RNASEH2B: variants seen among roughly 807,000 people sequenced by gnomAD.
RNASEH2B encodes the protein Aicardi-Goutieres syndrome 2 protein.
Under a neutral mutation model 45.0 loss-of-function variants are expected in RNASEH2B, and 36 were observed. That is an observed-to-expected ratio of 0.80 (90% CI 0.61 to 1.06). RNASEH2B has a LOEUF of 1.06. Among genes scored for constraint, RNASEH2B ranks in the 50% least tolerant of loss-of-function variants. RNASEH2B has a pLI of 0.00. For synonymous variants in RNASEH2B, 119 were observed against 125.7 expected, an observed-to-expected ratio of 0.95 and a Z score of 0.35; for missense variants, 361 against 360.3, an observed-to-expected ratio of 1.00 and a Z score of -0.02.
intron 1 of RNASEH2B, among the ~76,000 whole-genome samples, chr13:50,926,871 C>T (rs1484727813): frequency 1.3e-5 from 2 of 150,478 alleles, no homozygotes; most frequent in Non-Finnish European, 3.0e-5. Flanking sequence ...GGAAATTAGG[C>T]AAAGGATAGT....
chr13:50,956,189 C>T, intron 10 of RNASEH2B, 169 bp from the exon 11 acceptor site: 1 of 594,694 alleles, frequency 1.7e-6, no homozygotes, highest in Non-Finnish European at 3.0e-6. Flanking sequence ...TCTCTTAGGT[C>T]TGAATTCTGA....
At chr13:50,912,758 A>G (rs1181226344) in intron 1 of RNASEH2B, 1 of 152,240 alleles carries the variant, frequency 6.6e-6, no homozygotes, top group Non-Finnish European at 1.5e-5. Flanking sequence ...ATTCGGTTTT[A>G]GAAAACTTGG....
chr13:50,968,582 T>C (rs942827174), intron 9 of RNASEH2B, among the ~76,000 whole-genome samples: 2 of 152,162 alleles, frequency 1.3e-5, no homozygotes, highest in African/African-American at 4.8e-5. Context: ...TTCATACCAT[T>C]ATATGACCAT....
At chr13:50,957,452 T>A (rs1395284562), downstream of RNASEH2B, among the ~76,000 whole-genome samples, 1 of 152,224 alleles carries the variant, frequency 6.6e-6, no homozygotes, top group African/African-American at 2.4e-5. Flanking sequence ...TATGGCTGTG[T>A]AGTATTCCAT....
intron 10 of RNASEH2B, chr13:50,955,023 C>G (rs1190497652): frequency 6.6e-6 from 1 of 152,098 alleles, no homozygotes; most frequent in Non-Finnish European, 1.5e-5. Flanking sequence ...TTTGTATGAG[C>G]TCATTCTAAA....
chr13:50,932,137 G>A (rs888125941), intron 4 of RNASEH2B, among the ~76,000 whole-genome samples: 15 of 152,294 alleles, frequency 9.8e-5, no homozygotes, highest in Admixed American at 2.0e-4. Flanking sequence ...TCTTTCCCGT[G>A]AAATGACAGG....
At chr13:50,932,049 G>A (rs571349583) in intron 4 of RNASEH2B, among the ~76,000 whole-genome samples, 1 of 152,118 alleles carries the variant, frequency 6.6e-6, no homozygotes, top group South Asian at 2.1e-4. Flanking sequence ...AGCTGTCATA[G>A]TGGCAGATAG....
At chr13:50,955,772 T>A (rs1157504708) in intron 10 of RNASEH2B, 1 of 152,500 alleles carries the variant, frequency 6.6e-6, no homozygotes, top group Non-Finnish European at 1.5e-5. Flanking sequence ...AAGAAAAAAA[T>A]TCAGTGACCA....
chr13:50,956,861 G>A (rs934327629), downstream of RNASEH2B: 4 of 501,314 alleles, frequency 8.0e-6, no homozygotes, highest in African/African-American at 2.1e-5. Flanking sequence ...AAAACTGTGA[G>A]GTAAATTGTT....
rs1204028456 is a variant in RNASEH2B at position 50,943,308 on chromosome 13, TTTTTC to T, written c.437-8_437-4del. The T allele has an allele frequency of 1.3e-6, 2 of 1,491,012 alleles. No homozygotes were observed. Among genetic ancestry groups the T allele is most frequent in the East Asian group, 4.5e-5 (2 of 44,206 alleles). 92.4% of individuals were successfully genotyped at this position (1,491,012 alleles called of 1,614,324 possible). The stretch of plus-strand genomic sequence containing the variant: ...TTTTAATTCATTGTGCTGAGTCTTT[TTTTTC>T]TTTTAAGGTAATCCAGAAATAGACA... On this transcript the variant is annotated splice_region_variant and splice_polypyrimidine_tract_variant and intron_variant, in intron 5 of 10. Coordinates refer to ENST00000336617, the MANE Select transcript of RNASEH2B (RefSeq NM_024570.4).
intron 3 of RNASEH2B, among the ~76,000 whole-genome samples, chr13:50,930,439 C>T (rs953957316): frequency 3.3e-5 from 5 of 152,100 alleles, no homozygotes; most frequent in African/African-American, 1.2e-4. Flanking sequence ...AGTTAAAGAT[C>T]AATTTCAGGG....
At position 50,953,993 on chromosome 13, in the gene RNASEH2B, G is replaced by T. The variant is rs757200421; in HGVS notation, c.822+8G>T. ...GATTTGAAGACTGAAAAGGTATGTG[G>T]GTTCAGGTGTAGTGGTGTTTCGTTC... On this transcript the variant is annotated splice_region_variant and intron_variant, in intron 10 of 10. Coordinates refer to ENST00000336617, the MANE Select transcript of RNASEH2B (RefSeq NM_024570.4). The T allele has an allele frequency of 1.3e-6, 2 of 1,564,328 alleles. No individual in the cohort carries two copies. The highest frequency in any genetic ancestry group is 3.3e-5 in the Admixed American group (2 of 59,852).
chr13:50,961,174 T>C (rs1181174959), downstream of RNASEH2B, among the ~76,000 whole-genome samples: 1 of 152,176 alleles, frequency 6.6e-6, no homozygotes, highest in Non-Finnish European at 1.5e-5. Flanking sequence ...TCATTGTGAA[T>C]TATTGTTGAT....
At chr13:50,917,792 A>G (rs535197487) in intron 1 of RNASEH2B, among the ~76,000 whole-genome samples, 1 of 152,292 alleles carries the variant, frequency 6.6e-6, no homozygotes, top group South Asian at 2.1e-4. Context: ...GGACCAGGAA[A>G]GGCTGGTCTC....
chr13:50,934,129 A>C (rs547320002), intron 4 of RNASEH2B: 1 of 152,462 alleles, frequency 6.6e-6, no homozygotes, highest in South Asian at 2.1e-4. Flanking sequence ...TCCCCAAATC[A>C]GGGGGCTAAT....
At chr13:50,939,356 C>CAAA (rs71190394) in intron 5 of RNASEH2B, among the ~76,000 whole-genome samples, 1 of 145,584 alleles carries the variant, frequency 6.9e-6, no homozygotes, top group African/African-American at 2.6e-5. Context: ...GACTCTGTTT[C>CAAA]AAAAGAAAAA....
At position 50,943,401 on chromosome 13, in the gene RNASEH2B, T is replaced by G. The variant is rs1030880550; in HGVS notation, c.510+7T>G. 1 of 1,582,382 alleles carries G rather than the reference T, an allele frequency of 6.3e-7. No homozygotes were observed. Among genetic ancestry groups the G allele is most frequent in the African/African-American group, 1.3e-5 (1 of 74,426 alleles). On this transcript the variant is annotated splice_region_variant and intron_variant, in intron 6 of 10. Coordinates refer to ENST00000336617, the MANE Select transcript of RNASEH2B (RefSeq NM_024570.4). The stretch of plus-strand genomic sequence containing the variant: ...AAAGTGGCTGGAAAAAAAGGTATAG[T>G]TCCTCTCTAGTGCCTTGTGGTAAAA...
At chr13:50,935,584 G>T (rs1233851597) in intron 5 of RNASEH2B, 1 of 156,532 alleles carries the variant, frequency 6.4e-6, no homozygotes, top group African/African-American at 2.4e-5. Context: ...ATGTAGGTGG[G>T]TAGATGTTGT....
chr13:50,963,156 T>TTTTATTTA (rs556918908), intron 9 of RNASEH2B, among the ~76,000 whole-genome samples: 1 of 151,966 alleles, frequency 6.6e-6, no homozygotes, highest in African/African-American at 2.4e-5. Flanking sequence ...AATATTGTAA[T>TTTTATTTA]TTTATTTATT....
Sources: allele counts gnomAD v4.1 joint callset (sites outside exome capture counted in the v4.1 genomes callset), GRCh38; gene constraint gnomAD v4.1.1; transcripts MANE v1.5; gene names NCBI Gene and HGNC (gene_info 2026-07-23, HGNC 2026-07-21).